Variants in PRKN observed in about 807,000 individuals in gnomAD.
The protein encoded by PRKN is parkin RBR E3 ubiquitin protein ligase, also known as E3 ubiquitin-protein ligase parkin.
PRKN carries 56 observed loss-of-function variants against 59.5 expected under a neutral mutation model. The observed-to-expected ratio is 0.94, with a 90% CI of 0.76 to 1.18. The LOEUF is 1.18. PRKN is among the 50% of genes most tolerant of loss of function. The pLI is 0.00. For synonymous variants in PRKN, 250 were observed against 222.1 expected, an observed-to-expected ratio of 1.13 and a Z score of -1.12; for missense variants, 657 against 596.4, an observed-to-expected ratio of 1.10 and a Z score of -1.06.
intron 7 of PRKN, among the ~76,000 whole-genome samples, chr6:161,631,175 T>C (rs962077607): frequency 6.6e-6 from 1 of 152,250 alleles, no homozygotes; most frequent in South Asian, 2.1e-4. Flanking sequence ...GTGCCCACCA[T>C]GTGCCATGCA....
At chr6:161,872,268 T>G (rs1024524691) in intron 6 of PRKN, among the ~76,000 whole-genome samples, 1 of 152,100 alleles carries the variant, frequency 6.6e-6, no homozygotes, top group Non-Finnish European at 1.5e-5. Context: ...AGATGTCTCC[T>G]GCACAGATTC....
At chr6:161,612,376 G>C (rs1362887838) in intron 7 of PRKN, among the ~76,000 whole-genome samples, 1 of 152,160 alleles carries the variant, frequency 6.6e-6, no homozygotes, top group African/African-American at 2.4e-5. Context: ...GTGACTTTAA[G>C]TAGAAACCAA....
intron 4 of PRKN, among the ~76,000 whole-genome samples, chr6:162,069,779 T>C (rs1778496505): frequency 1.3e-5 from 2 of 152,152 alleles, no homozygotes; most frequent in Admixed American, 1.3e-4. Flanking sequence ...AGGAAAACAA[T>C]AATTAAGAGA....
In PRKN at chr6:162,113,990, GT is replaced by G. The variant is rs1183327178; in HGVS notation, c.535-59817del. ...ATAGGGAATCCTTTCCCCATTGCTT[GT>G]TTTTCTCAGGTTTGTCAAAGATCAG... On this transcript the variant is annotated intron_variant, in intron 4 of 11. Coordinates refer to ENST00000366898, the MANE Select transcript of PRKN (RefSeq NM_004562.3). Among the ~76,000 whole-genome samples, 4 of 151,812 alleles carry G rather than the reference GT, an allele frequency of 2.6e-5. No homozygotes were observed. The East Asian group carries it at 7.8e-4, about 30-fold the overall frequency.
chr6:162,097,653 A>G (rs1779800459), intron 4 of PRKN, among the ~76,000 whole-genome samples: 1 of 152,186 alleles, frequency 6.6e-6, no homozygotes, highest in South Asian at 2.1e-4. Context: ...CGTGTGATTG[A>G]CTAGGCATAC....
chr6:162,579,968 T>C (rs1458168530), intron 1 of PRKN, among the ~76,000 whole-genome samples: 1 of 152,220 alleles, frequency 6.6e-6, no homozygotes, highest in Non-Finnish European at 1.5e-5. Context: ...GCTGAATTGA[T>C]TAAACATGAC....
In PRKN at chr6:161,748,836, C is replaced by T. The variant is rs76169071; in HGVS notation, c.871+36936G>A. 3.9e-3 allele frequency among the ~76,000 whole-genome samples: 590 copies of T among 152,256 alleles called. 4 individuals carry two copies. Among genetic ancestry groups the T allele is most frequent in the African/African-American group, 0.014 (571 of 41,552 alleles). On this transcript the variant is annotated intron_variant, in intron 7 of 11. Coordinates refer to ENST00000366898, the MANE Select transcript of PRKN (RefSeq NM_004562.3). ...TGAGAATTGAAAGTCTCCTTTCAAA[C>T]ATTTAAGCAGAGCAAGAGGGGATAG...
chr6:162,479,958 G>A (rs1413542354), intron 1 of PRKN, among the ~76,000 whole-genome samples: 3 of 151,928 alleles, frequency 2.0e-5, no homozygotes, highest in African/African-American at 7.3e-5. Context: ...TCAGCTACTT[G>A]GGAGGCTGAG....
rs979134410 is a variant in PRKN at position 162,462,892 on chromosome 6, G to A, written c.8-19419C>T. Among the ~76,000 whole-genome samples, 6 of 151,900 alleles carry A rather than the reference G, an allele frequency of 3.9e-5. 1 individual carries two copies. Among genetic ancestry groups the A allele is most frequent in the African/African-American group, 7.3e-5 (3 of 41,340 alleles). ...GTGCATCACCTGAGGTCAGGAGTTC[G>A]AGACCAGCCTGGGCAACATGGCAAC... is the stretch of plus-strand genomic sequence containing the variant. On this transcript the variant is annotated intron_variant, in intron 1 of 11. Coordinates refer to ENST00000366898, the MANE Select transcript of PRKN (RefSeq NM_004562.3).
intron 7 of PRKN, among the ~76,000 whole-genome samples, chr6:161,589,924 T>C (rs969865371): frequency 2.0e-5 from 3 of 151,274 alleles, no homozygotes; most frequent in Non-Finnish European, 4.4e-5. Flanking sequence ...GGACTACAGG[T>C]GCCCGACATC....
intron 2 of PRKN, among the ~76,000 whole-genome samples, chr6:162,399,193 G>A (rs1787636932): frequency 1.3e-5 from 2 of 152,104 alleles, no homozygotes; most frequent in African/African-American, 4.8e-5. Flanking sequence ...CAGCAATTGG[G>A]TAGGAACTGT....
intron 2 of PRKN, among the ~76,000 whole-genome samples, chr6:162,381,947 C>G (rs1420116598): frequency 6.6e-6 from 1 of 152,066 alleles, no homozygotes; most frequent in African/African-American, 2.4e-5. Flanking sequence ...TATAACACAG[C>G]ACAATTGCAG....
intron 6 of PRKN, among the ~76,000 whole-genome samples, chr6:161,803,696 C>G (rs1233198220): frequency 6.6e-6 from 1 of 152,202 alleles, no homozygotes; most frequent in African/African-American, 2.4e-5. Flanking sequence ...CAGTGACCTT[C>G]TGTACAGTTA....
In PRKN at chr6:161,815,464, A is replaced by G. The variant is rs138899398; in HGVS notation, c.735-29556T>C. 2.0e-3 allele frequency among the ~76,000 whole-genome samples: 297 copies of G among 152,284 alleles called. 2 individuals carry two copies. Among genetic ancestry groups the G allele is most frequent in the African/African-American group, 6.8e-3 (281 of 41,566 alleles). ...TGGTTAACGCAGATCCTAATATCCA[A>G]CTTGGTCAACTTTCAAAAGTGCCTT... On this transcript the variant is annotated intron_variant, in intron 6 of 11. Coordinates refer to ENST00000366898, the MANE Select transcript of PRKN (RefSeq NM_004562.3).
chr6:161,904,097 G>A (rs910754618), intron 6 of PRKN, among the ~76,000 whole-genome samples: 1 of 152,050 alleles, frequency 6.6e-6, no homozygotes, highest in Non-Finnish European at 1.5e-5. Flanking sequence ...GCCTGGGGCT[G>A]CTAGGAAACT....
chr6:162,101,314 A>T (rs922702998), intron 4 of PRKN, among the ~76,000 whole-genome samples: 5 of 151,160 alleles, frequency 3.3e-5, no homozygotes, highest in African/African-American at 1.2e-4. Context: ...AGTTGTTCCA[A>T]CACCACTTAT....
chr6:162,330,762 T>G (rs1783530197), intron 2 of PRKN, among the ~76,000 whole-genome samples: 1 of 152,210 alleles, frequency 6.6e-6, no homozygotes, highest in Non-Finnish European at 1.5e-5. Context: ...TGAAAGGCTA[T>G]GAAGAAGGTG....
chr6:162,674,222 T>C (rs369411265), intron 1 of PRKN, among the ~76,000 whole-genome samples: 2 of 152,216 alleles, frequency 1.3e-5, no homozygotes, highest in East Asian at 1.9e-4. Flanking sequence ...TTTTAAAACT[T>C]GGTTGGATGA....
chr6:161,708,569 T>C (rs1358701713), intron 7 of PRKN, among the ~76,000 whole-genome samples: 1 of 152,056 alleles, frequency 6.6e-6, no homozygotes, highest in African/African-American at 2.4e-5. Flanking sequence ...GTCATTCACT[T>C]AACCGTTCTT....
Sources: allele counts gnomAD v4.1 joint callset (sites outside exome capture counted in the v4.1 genomes callset), GRCh38; gene constraint gnomAD v4.1.1; transcripts MANE v1.5; gene names NCBI Gene and HGNC (gene_info 2026-07-23, HGNC 2026-07-21).